Variants in FBXO38 observed in about 807,000 individuals in gnomAD.
FBXO38 encodes F-box protein 38.
FBXO38 carries 53 observed loss-of-function variants against 131.9 expected under a neutral mutation model. That is an observed-to-expected ratio of 0.40 (90% confidence interval 0.32 to 0.51). The LOEUF is 0.51. FBXO38 is among the 20% of genes least tolerant of loss of function. The probability of loss-of-function intolerance (pLI) is 0.53; values close to 1 mark genes in which losing one functional copy is unlikely to be tolerated. For missense variants in FBXO38, 1,076 were observed against 1,475.6 expected (o/e 0.73, Z 4.44); for synonymous variants, 452 against 505.6 (o/e 0.89, Z 1.42).
Position 148,414,248 on chromosome 5 carries a change from C to T in FBXO38, c.1206C>T (p.Ile402=). The change falls in exon 10 of 22, where the codon ATC becomes ATT. Residue 402 remains isoleucine (I), a synonymous_variant. Transcript: ENST00000340253. ...MKAVNEVFSC[I]KYLAIYNCPH... is the part of the protein sequence containing the mutation. ...CAGTCAATGAAGTTTTTTCCTGTAT[C>T]AAATATCTGGCAATTTACAATTGCC... 1 of 1,612,376 alleles carries T rather than the reference C, an allele frequency of 6.2e-7. No individual in the cohort carries two copies.
At chr5:148,411,665 T>G (rs1418518061) in intron 9 of FBXO38, among the ~76,000 whole-genome samples, 1 of 152,174 alleles carries the variant, frequency 6.6e-6, no homozygotes, top group Non-Finnish European at 1.5e-5. Flanking sequence ...ACAGTACTCA[T>G]TAATATAGGT....
At chr5:148,404,942 CAT>C (rs1752356153) in intron 6 of FBXO38, 120 bp downstream of exon 6, 3 of 803,810 alleles carry the variant, frequency 3.7e-6, no homozygotes, top group African/African-American at 1.9e-5. Flanking sequence ...TGTCTTATAA[CAT>C]ATTCATCTTG....
Position 148,425,570 on chromosome 5 carries a change from A to G in FBXO38, c.1787A>G (p.His596Arg). ...GTAAAACCAACCTCAATTACTGTTC[A>G]TGATTCAGAGAGTGATGATGAAGAA... is the stretch of plus-strand genomic sequence containing the variant. ...RVVKPTSITVHDSESDDEEDS... is the reference protein window; with the variant it reads ...RVVKPTSITVRDSESDDEEDS... The change falls in exon 14 of 22, where the codon CAT becomes CGT. Residue 596 changes from histidine (H) to arginine (R), a missense_variant. This residue lies in a region of FBXO38 where 212 missense variants were observed against 221.2 expected (regional missense o/e 0.96). Transcript: ENST00000340253. 1 of 1,613,896 alleles carries G rather than the reference A, an allele frequency of 6.2e-7. No individual in the cohort carries two copies. The highest frequency in any genetic ancestry group is 8.5e-7 in the Non-Finnish European group (1 of 1,179,780).
In FBXO38 at chr5:148,404,925, C is replaced by T. The variant is rs1034888665; in HGVS notation, c.730+103C>T. On this transcript the variant is annotated intron_variant, in intron 6 of 21. Coordinates refer to ENST00000340253, the MANE Select transcript of FBXO38 (RefSeq NM_205836.3). ...TAAATACAATTATATTATGCTATTA[C>T]TATTTATGTCTTATAACATATTCAT... 4 of 976,610 alleles carry T rather than the reference C, an allele frequency of 4.1e-6. No homozygotes were observed. In the Admixed American group the frequency reaches 1.5e-4, roughly 37 times the overall value. 60.5% of individuals were successfully genotyped at this position (976,610 alleles called of 1,614,324 possible).
At chr5:148,391,412 GC>G (rs2113490708) in intron 1 of FBXO38, among the ~76,000 whole-genome samples, 1 of 152,310 alleles carries the variant, frequency 6.6e-6, no homozygotes, top group South Asian at 2.1e-4. Context: ...CCCACAGGGA[GC>G]TCAAATGAAG....
At position 148,442,116 on chromosome 5, in the gene FBXO38, A is replaced by G. The variant is rs373082610; in HGVS notation, c.3536A>G (p.Asn1179Ser). ...VAIFIHYCDV[N>S]GEPVEDDYI Reference sequence around the variant, plus strand: ...ATTTTTATCCACTATTGTGATGTCAATGGAGAGCCAGTTGAAGATGACTAC... The same window carrying G: ...ATTTTTATCCACTATTGTGATGTCAGTGGAGAGCCAGTTGAAGATGACTAC... The change falls in exon 22 of 22, where the codon AAT (asparagine) becomes AGT (serine). Residue 1179 changes from asparagine to serine, a missense_variant. By Grantham distance (46) the Asn-to-Ser change is conservative (BLOSUM62 1). This residue lies in a region of FBXO38 where 282 missense variants were observed against 418.8 expected (regional missense o/e 0.67). Coordinates refer to ENST00000340253, the MANE Select transcript of FBXO38 (RefSeq NM_205836.3). 77 of 1,613,906 alleles carry G rather than the reference A, an allele frequency of 4.8e-5. 1 individual carries two copies. Among genetic ancestry groups the G allele is most frequent in the South Asian group, 1.2e-4 (11 of 91,050 alleles).
chr5:148,392,076 T>C (rs1758224118), intron 1 of FBXO38, among the ~76,000 whole-genome samples: 1 of 152,198 alleles, frequency 6.6e-6, no homozygotes, highest in South Asian at 2.1e-4. Flanking sequence ...GGCTTCAGTA[T>C]AGAGTATAGC....
rs1171736644 is a variant in FBXO38, at chr5:148,399,303, AC to A, written c.262+173del. On this transcript the variant is annotated intron_variant, in intron 3 of 21. Coordinates refer to ENST00000340253, the MANE Select transcript of FBXO38 (RefSeq NM_205836.3). ...GGTTTTAGGTTGTAAAATGCGTTTT[AC>A]CTGAGGCTTTATTGTTTTAATAGTC... is the stretch of plus-strand genomic sequence containing the variant. 6.0e-6 allele frequency: 4 copies of A among 661,912 alleles called. No individual in the cohort carries two copies. In the African/African-American group the frequency reaches 7.3e-5, roughly 12 times the overall value. 41.0% of individuals were successfully genotyped at this position (661,912 alleles called of 1,614,324 possible). A position where few individuals can be genotyped will look rare whatever the true frequency, so the allele number is the denominator to read the frequency against.
At chr5:148,399,436 G>A in intron 3 of FBXO38, 1 of 264,906 alleles carries the variant, frequency 3.8e-6, no homozygotes, top group Non-Finnish European at 7.2e-6. Flanking sequence ...TATCACATTA[G>A]ACACTGTGTG....
intron 3 of FBXO38, among the ~76,000 whole-genome samples, chr5:148,400,106 C>G (rs1299523045): frequency 1.3e-5 from 2 of 151,714 alleles, no homozygotes; most frequent in South Asian, 4.2e-4. Flanking sequence ...TAGTAGTTAT[C>G]AATATATACT....
rs1754173564 is a variant in FBXO38 at position 148,433,670 on chromosome 5, C to T, written c.2790C>T (p.Val930=). 1 of 1,610,208 alleles carries T rather than the reference C, an allele frequency of 6.2e-7. No homozygotes were observed. Among genetic ancestry groups the T allele is most frequent in the Non-Finnish European group, 8.5e-7 (1 of 1,178,466 alleles). ...LVLKSKNLVG[V]TMTNCGITDL... ...TAAAATCCAAGAATCTTGTTGGAGT[C>T]ACTATGACCAATTGTGGAATCACAG... The change falls in exon 17 of 22, where the codon GTC becomes GTT. Residue 930 remains valine (V), a synonymous_variant. Coordinates refer to ENST00000340253, the MANE Select transcript of FBXO38 (RefSeq NM_205836.3).
At chr5:148,411,651 T>C (rs10055332) in intron 9 of FBXO38, among the ~76,000 whole-genome samples, 1 of 151,796 alleles carries the variant, frequency 6.6e-6, no homozygotes, top group Non-Finnish European at 1.5e-5. Flanking sequence ...CTTTTTTGTT[T>C]TTCACAGTAC....
Position 148,441,110 on chromosome 5 carries a change from C to A in FBXO38, c.3275-14C>A, listed in dbSNP as rs368303623. On this transcript the variant is annotated splice_polypyrimidine_tract_variant and intron_variant, in intron 20 of 21. Transcript: ENST00000340253. ...ACTCCCACGCCAGTTAGCAATGTTA[C>A]ATTTGTCTTTTAGGTGTTGTGGATG... is the stretch of plus-strand genomic sequence containing the variant. 1.9e-6 allele frequency: 3 copies of A among 1,597,634 alleles called. No individual in the cohort carries two copies. The highest frequency in any genetic ancestry group is 2.2e-5 in the East Asian group (1 of 44,758).
chr5:148,394,954 C>T, intron 2 of FBXO38, 50 bp downstream of exon 2: 1 of 1,472,546 alleles, frequency 6.8e-7, no homozygotes, highest in Middle Eastern at 1.8e-4. Flanking sequence ...TAAGAGCAAA[C>T]CCTGAGGCAG....
chr5:148,384,933 C>T (rs547655526), intron 1 of FBXO38: 2 of 152,334 alleles, frequency 1.3e-5, no homozygotes, highest in African/African-American at 4.8e-5. Flanking sequence ...TTTACTTTGG[C>T]CAAATCCCTT....
chr5:148,442,718 A>C lies in FBXO38; in HGVS notation c.*571A>C, dbSNP rs1478880113. ...AGTAAAAAGACTTATGAGCTTAAAA[A>C]AAAGTGAGTTTGAGAGGGAAATGGA... is the stretch of plus-strand genomic sequence containing the variant. On this transcript the variant is annotated 3_prime_UTR_variant, in exon 22 of 22. Coordinates refer to ENST00000340253, the MANE Select transcript of FBXO38 (RefSeq NM_205836.3). 1 of 152,206 alleles carries C rather than the reference A, an allele frequency of 6.6e-6. No homozygotes were observed. The highest frequency in any genetic ancestry group is 2.4e-5 in the African/African-American group (1 of 41,464). The allele number at this position is 152,206 out of a possible 1,614,324, so 9.4% of individuals were successfully genotyped here. A position where few individuals can be genotyped will look rare whatever the true frequency, so the allele number is the denominator to read the frequency against.
Position 148,438,238 on chromosome 5 carries a change from G to T in FBXO38, c.2858-94G>T, listed in dbSNP as rs141206657. On this transcript the variant is annotated intron_variant, in intron 17 of 21. Coordinates refer to ENST00000340253, the MANE Select transcript of FBXO38 (RefSeq NM_205836.3). The stretch of plus-strand genomic sequence containing the variant: ...ATGATATTATTTGACCTCTGTTAAA[G>T]ATGTTTGTTACTGCAGTATTTTGTG... The T allele has an allele frequency of 4.7e-4, 506 of 1,075,004 alleles. 4 individuals carry two copies. In the East Asian group the frequency reaches 0.012, roughly 26 times the overall value. 66.6% of individuals were successfully genotyped at this position (1,075,004 alleles called of 1,614,324 possible). A position where few individuals can be genotyped will look rare whatever the true frequency, so the allele number is the denominator to read the frequency against.
chr5:148,436,661 C>T (rs190042676), intron 17 of FBXO38, among the ~76,000 whole-genome samples: 10 of 152,240 alleles, frequency 6.6e-5, no homozygotes, highest in African/African-American at 2.4e-4. Context: ...AAGGTATTTA[C>T]CAAACATATT....
At chr5:148,384,466 C>A (rs1757805472) in intron 1 of FBXO38, among the ~76,000 whole-genome samples, 1 of 152,168 alleles carries the variant, frequency 6.6e-6, no homozygotes, top group South Asian at 2.1e-4. Flanking sequence ...TGTCCCTGAG[C>A]AGGAAGCAGT....
Sources: allele counts gnomAD v4.1 joint callset (sites outside exome capture counted in the v4.1 genomes callset), GRCh38; gene constraint gnomAD v4.1.1; regional missense constraint gnomAD v4.1.1; transcripts MANE v1.5; gene names NCBI Gene and HGNC (gene_info 2026-07-23, HGNC 2026-07-21).